Variants in DIP2C observed in about 807,000 individuals in gnomAD.
DIP2C encodes disco-interacting protein 2 homolog C.
In DIP2C, 33 loss-of-function variants were observed where a neutral mutation model predicts 192.4. The observed-to-expected ratio is 0.17, with a 90% CI of 0.13 to 0.23. The LOEUF (loss-of-function observed/expected upper bound fraction) is 0.23. Ranked by LOEUF, DIP2C falls within the 10% of genes least tolerant of loss-of-function variation. The pLI is 1.00. For missense variants in DIP2C, 1,537 were observed against 2,110.1 expected (o/e 0.73, Z 5.32); for synonymous variants, 979 against 864.1 (o/e 1.13, Z -2.33).
intron 1 of DIP2C, among the ~76,000 whole-genome samples, chr10:637,898 G>A (rs74620376): frequency 2.0e-5 from 3 of 152,174 alleles, no homozygotes; most frequent in Admixed American, 6.5e-5. Context: ...TCAGAGGTCA[G>A]AGTCAGTCCA....
At chr10:475,229 C>T (rs1395700449) in intron 2 of DIP2C, among the ~76,000 whole-genome samples, 2 of 152,234 alleles carry the variant, frequency 1.3e-5, no homozygotes, top group African/African-American at 2.4e-5. Flanking sequence ...TCCATGTGTA[C>T]AGCACCCATG....
At chr10:551,637 G>C (rs538076376) in intron 1 of DIP2C, among the ~76,000 whole-genome samples, 1 of 152,342 alleles carries the variant, frequency 6.6e-6, no homozygotes, top group African/African-American at 2.4e-5. Flanking sequence ...TCAGCCCCGA[G>C]TGTGAACAGT....
intron 9 of DIP2C, among the ~76,000 whole-genome samples, chr10:406,708 A>C (rs968852445): frequency 6.6e-6 from 1 of 152,106 alleles, no homozygotes; most frequent in Non-Finnish European, 1.5e-5. Flanking sequence ...TAGGACTAAC[A>C]AATTAGCTAC....
At position 277,376 on chromosome 10, in the gene DIP2C, G is replaced by A. The variant is rs772511753; in HGVS notation, c.4620C>T (p.Asp1540=). ...RGEKQRMHLR[D]GFLADQLDPI... is the part of the protein sequence containing the mutation. ...GGTCTAGCTGGTCTGCCAAAAACCC[G>A]TCTCGCAGGTGCATGCGCTGCTTCT... Residue 1540 remains aspartate, a synonymous_variant, in exon 37 of 37, where the codon GAC becomes GAT. Coordinates refer to ENST00000280886, the MANE Select transcript of DIP2C (RefSeq NM_014974.3). 10 of 1,614,078 alleles carry A rather than the reference G, an allele frequency of 6.2e-6. No individual in the cohort carries two copies. The highest frequency in any genetic ancestry group is 1.7e-5 in the Admixed American group (1 of 60,004).
intron 1 of DIP2C, among the ~76,000 whole-genome samples, chr10:525,497 C>G (rs1279717023): frequency 6.6e-6 from 1 of 152,174 alleles, no homozygotes; most frequent in East Asian, 1.9e-4. Flanking sequence ...AGAACAAATA[C>G]AAAGTGTTTG....
intron 1 of DIP2C, among the ~76,000 whole-genome samples, chr10:519,196 G>GGGT (rs1479871850): frequency 5.9e-5 from 9 of 152,232 alleles, no homozygotes; most frequent in Non-Finnish European, 1.2e-4. Context: ...CCTGGCTGCA[G>GGGT]GGTCTGCACA....
chr10:461,732 T>A (rs539576190), intron 3 of DIP2C, among the ~76,000 whole-genome samples: 1 of 152,296 alleles, frequency 6.6e-6, no homozygotes, highest in South Asian at 2.1e-4. Context: ...GGATATACCT[T>A]CTTCTCAGCA....
intron 1 of DIP2C, among the ~76,000 whole-genome samples, chr10:568,789 A>C (rs1187954783): frequency 2.1e-5 from 3 of 140,546 alleles, no homozygotes; most frequent in South Asian, 4.5e-4. Context: ...AAAAAAAAAA[A>C]AAAAAAAAAC....
chr10:474,541 C>A (rs1970907191), intron 2 of DIP2C, among the ~76,000 whole-genome samples: 1 of 134,014 alleles, frequency 7.5e-6, no homozygotes, highest in African/African-American at 2.6e-5. Context: ...GTCACTGGGC[C>A]ACGCCTTTCT....
chr10:367,285 C>A (rs568889546), intron 18 of DIP2C, among the ~76,000 whole-genome samples: 9 of 151,888 alleles, frequency 5.9e-5, no homozygotes, highest in Non-Finnish European at 1.0e-4. Context: ...GGCGCAGTGG[C>A]GGGCGCCTGT....
At chr10:631,892 C>G (rs1588640767) in intron 1 of DIP2C, among the ~76,000 whole-genome samples, 1 of 152,208 alleles carries the variant, frequency 6.6e-6, no homozygotes, top group South Asian at 2.1e-4. Context: ...CACTTTAATA[C>G]TCTACTTAGA....
chr10:588,650 C>T (rs1588534303), intron 1 of DIP2C, among the ~76,000 whole-genome samples: 1 of 152,192 alleles, frequency 6.6e-6, no homozygotes, highest in East Asian at 1.9e-4. Context: ...GCTCCAGGGC[C>T]AAGAGGGGCT....
chr10:452,603 G>A (rs942081123), intron 3 of DIP2C, among the ~76,000 whole-genome samples: 21 of 152,166 alleles, frequency 1.4e-4, no homozygotes, highest in Admixed American at 8.5e-4. Flanking sequence ...GCGCTTTGTC[G>A]AAAGACCTTT....
chr10:526,014 C>T (rs188984988), intron 1 of DIP2C, among the ~76,000 whole-genome samples: 57 of 152,328 alleles, frequency 3.7e-4, no homozygotes, highest in African/African-American at 5.8e-4. Flanking sequence ...CCTTCTGCAA[C>T]GCCTGGCGTG....
intron 1 of DIP2C, among the ~76,000 whole-genome samples, chr10:592,475 A>G (rs1447982539): frequency 6.6e-6 from 1 of 151,576 alleles, no homozygotes; most frequent in Non-Finnish European, 1.5e-5. Flanking sequence ...AATATTCCTC[A>G]GCAGTGAAAA....
chr10:491,010 A>G (rs1844401105), intron 1 of DIP2C, among the ~76,000 whole-genome samples: 1 of 152,224 alleles, frequency 6.6e-6, no homozygotes, highest in South Asian at 2.1e-4. Context: ...ACCCAATCTT[A>G]CAAAAGCAGG....
At chr10:622,536 C>T (rs1853935623) in intron 1 of DIP2C, among the ~76,000 whole-genome samples, 1 of 152,114 alleles carries the variant, frequency 6.6e-6, no homozygotes, top group South Asian at 2.1e-4. Context: ...CAGCTGAGGA[C>T]AGGGCTGTAA....
intron 29 of DIP2C, among the ~76,000 whole-genome samples, chr10:333,697 A>AT (rs1278300414): frequency 6.6e-6 from 1 of 152,262 alleles, no homozygotes; most frequent in African/African-American, 2.4e-5. Context: ...CATGCCAAAC[A>AT]GTGGCTTCCC....
chr10:330,221 T>C (rs1411659145), intron 29 of DIP2C, among the ~76,000 whole-genome samples: 1 of 152,190 alleles, frequency 6.6e-6, no homozygotes, highest in East Asian at 1.9e-4. Context: ...CACTCAATCT[T>C]TTTAAGATCA....
Sources: gnomAD v4.1 joint callset for allele counts (sites outside exome capture counted in the v4.1 genomes callset) on GRCh38, gnomAD v4.1.1 for gene constraint, MANE v1.5 for transcripts, NCBI Gene and HGNC (gene_info 2026-07-23, HGNC 2026-07-21) for gene names.